The following SLC45A4 variants were observed in gnomAD, a reference collection of about 807,000 sequenced individuals.
SLC45A4 encodes solute carrier family 45 member 4.
A neutral mutation model predicts 63.7 loss-of-function variants in SLC45A4; 32 were observed. The observed-to-expected ratio is 0.50, with a 90% CI of 0.38 to 0.67. The LOEUF (loss-of-function observed/expected upper bound fraction) is 0.67. Among genes scored for constraint, SLC45A4 ranks in the 30% least tolerant of loss-of-function variants. The pLI is 0.00. For missense variants in SLC45A4, 1,027 were observed against 1,157.7 expected, an observed-to-expected ratio of 0.89 and a Z score of 1.64; for synonymous variants, 535 against 510.0, an observed-to-expected ratio of 1.05 and a Z score of -0.66.
intron 6 of SLC45A4, among the ~76,000 whole-genome samples, chr8:141,216,625 C>T (rs771818053): frequency 3.9e-5 from 6 of 152,220 alleles, no homozygotes; most frequent in Non-Finnish European, 5.9e-5. Context: ...GATTCACACT[C>T]GGCTCAGAGA....
intron 2 of SLC45A4, among the ~76,000 whole-genome samples, chr8:141,234,698 GCTGTGGCGGTGGC>G (rs544149757): frequency 1.1e-3 from 163 of 152,310 alleles, no homozygotes; most frequent in African/African-American, 3.6e-3. Context: ...CCCTGTCAGG[GCTGTGGCGGTGGC>G]CTGAGGTGAC....
rs1240385287 is a variant in SLC45A4, at chr8:141,218,245, C to T, written c.1395G>A (p.Gln465=). Residue 465 remains glutamine, a synonymous_variant, in exon 5 of 9, where the codon CAG becomes CAA. Transcript: ENST00000517878. The stretch of plus-strand genomic sequence containing the variant: ...TCTGGTTCCGGTGCCGGTGCTGCCG[C>T]TGCCGCTTCTGCATGTCGTACAGGT... ...MSDLYDMQKR[Q]RQHRHRNQSG... is the part of the protein sequence containing the mutation. 1 of 1,602,062 alleles carries T rather than the reference C, an allele frequency of 6.2e-7. No individual in the cohort carries two copies. Among genetic ancestry groups the T allele is most frequent in the East Asian group, 2.2e-5 (1 of 44,862 alleles).
rs1238187638 is a variant in SLC45A4 at position 141,227,146 on chromosome 8, A to C, written c.242-5381T>G. On this transcript the variant is annotated intron_variant, in intron 2 of 8. Coordinates refer to ENST00000517878, the MANE Select transcript of SLC45A4 (RefSeq NM_001286646.2). This position sits in a 1 kb window ranked among gnomAD's most constrained non-coding sequence, Gnocchi z 4.4. Reference sequence around the variant, plus strand: ...AAATAAGTTTTGTTTTTTCCCAGGGAAAAGTTGAACAACAATGGTGAGACC... The same window carrying C: ...AAATAAGTTTTGTTTTTTCCCAGGGCAAAGTTGAACAACAATGGTGAGACC... 6.6e-6 allele frequency among the ~76,000 whole-genome samples: 1 copy of C among 152,232 alleles called. No individual in the cohort carries two copies. The highest frequency in any genetic ancestry group is 1.5e-5 in the Non-Finnish European group (1 of 68,050).
In SLC45A4 at chr8:141,212,448, C is replaced by A; in HGVS notation, c.2050G>T (p.Gly684Cys). 2 of 1,613,814 alleles carry A rather than the reference C, an allele frequency of 1.2e-6. No homozygotes were observed. The highest frequency in any genetic ancestry group is 1.7e-6 in the Non-Finnish European group (2 of 1,180,026). The part of the protein sequence containing the change: ...SQILVASALG[G>C]VVDAVGTVRV... ...ACAGTCCCCACGGCGTCGACCACGC[C>A]CCCAAGGGCAGAGGCCACCAGGATC... The change falls in exon 8 of 9, where the codon GGC becomes TGC. Residue 684 changes from glycine to cysteine, a missense_variant. Coordinates refer to ENST00000517878, the MANE Select transcript of SLC45A4 (RefSeq NM_001286646.2).
rs1487175740 is a variant in SLC45A4, at chr8:141,229,813, C to T, written c.242-8048G>A. Reference sequence around the variant, plus strand: ...CTCGGCTCTGAGCTTGCAGCCCACCCCACTCTGGCTGCGGGACTTTGGAGC... The same window carrying T: ...CTCGGCTCTGAGCTTGCAGCCCACCTCACTCTGGCTGCGGGACTTTGGAGC... On this transcript the variant is annotated intron_variant, in intron 2 of 8. Transcript: ENST00000517878. This position sits in a 1 kb window ranked among gnomAD's most constrained non-coding sequence, Gnocchi z 5.0. 2.0e-5 allele frequency among the ~76,000 whole-genome samples: 3 copies of T among 152,140 alleles called. No homozygotes were observed. The highest frequency in any genetic ancestry group is 6.5e-5 in the Admixed American group (1 of 15,286).
intron 5 of SLC45A4, 66 bp from the exon 6 acceptor site, chr8:141,217,255 T>C: frequency 5.9e-6 from 9 of 1,527,446 alleles, no homozygotes; most frequent in Non-Finnish European, 8.1e-6. Flanking sequence ...AGGAGCGTAT[T>C]TCCCATGGGA....
At chr8:141,239,797 G>A (rs1048125438) in intron 2 of SLC45A4, among the ~76,000 whole-genome samples, 1 of 152,228 alleles carries the variant, frequency 6.6e-6, no homozygotes, top group African/African-American at 2.4e-5. Context: ...GGGCTCTGGA[G>A]GGCATGGCCT....
chr8:141,232,337 A>C (rs1432865356), intron 2 of SLC45A4, among the ~76,000 whole-genome samples: 2 of 152,266 alleles, frequency 1.3e-5, no homozygotes, highest in Non-Finnish European at 2.9e-5. Context: ...TTCAGCTATA[A>C]GCCTTTATGG....
chr8:141,281,931 C>T (rs1454069638), intron 1 of SLC45A4, among the ~76,000 whole-genome samples: 3 of 151,938 alleles, frequency 2.0e-5, no homozygotes, highest in Admixed American at 6.5e-5. Context: ...CGGCACCTTT[C>T]CTAACGCCAG....
chr8:141,215,701 A>C lies in SLC45A4; in HGVS notation c.1941+58T>G. The C allele has an allele frequency of 1.9e-6, 3 of 1,559,818 alleles. No individual in the cohort carries two copies. In the South Asian group the frequency reaches 3.3e-5, roughly 17 times the overall value. Reference sequence around the variant, plus strand: ...GGGGAAGCACAGGGCTCTGCTCTGTATGGAGGGAAGGCACTCAGGAGGCTG... The same window carrying C: ...GGGGAAGCACAGGGCTCTGCTCTGTCTGGAGGGAAGGCACTCAGGAGGCTG... On this transcript the variant is annotated intron_variant, in intron 7 of 8. Coordinates refer to ENST00000517878, the MANE Select transcript of SLC45A4 (RefSeq NM_001286646.2). The surrounding 1 kb of genome is among the most constrained non-coding windows in gnomAD (Gnocchi z 4.3).
intron 6 of SLC45A4, 107 bp downstream of exon 6, chr8:141,216,983 G>C: frequency 8.8e-7 from 1 of 1,136,740 alleles, no homozygotes; most frequent in Non-Finnish European, 1.3e-6. Context: ...CCAGAAGTCA[G>C]TGCGACTGAT....
In SLC45A4 at chr8:141,290,157, A is replaced by C. The variant is rs144466072; in HGVS notation, c.-401+17939T>G. ...CGTATGTATGTATATATTATACATG[A>C]TCTACATCTACGGTCATCTAACACT... is the stretch of plus-strand genomic sequence containing the variant. On this transcript the variant is annotated intron_variant, in intron 1 of 8. Transcript: ENST00000517878. Among the ~76,000 whole-genome samples, 18 of 152,296 alleles carry C rather than the reference A, an allele frequency of 1.2e-4. No homozygotes were observed. The East Asian group carries it at 3.1e-3, about 26-fold the overall frequency.
intron 1 of SLC45A4, among the ~76,000 whole-genome samples, chr8:141,295,208 G>A (rs781538850): frequency 2.2e-4 from 34 of 152,188 alleles, no homozygotes; most frequent in Non-Finnish European, 4.1e-4. Flanking sequence ...GTGGGTGAAG[G>A]GAAAGCAGGA....
At chr8:141,299,474 T>C (rs7017150) in intron 1 of SLC45A4, among the ~76,000 whole-genome samples, 145,463 of 152,290 alleles carry the variant, frequency 0.96, 69,850 homozygotes, top group Middle Eastern at 1. Context: ...GAGCTGTGGG[T>C]GTCGTTCTCG....
chr8:141,213,107 G>GA (rs1168994740), intron 7 of SLC45A4, among the ~76,000 whole-genome samples: 2 of 152,044 alleles, frequency 1.3e-5, no homozygotes, highest in Non-Finnish European at 2.9e-5. Flanking sequence ...TAGAGATAGT[G>GA]AAAAAAAGGT....
Position 141,256,843 on chromosome 8 carries a change from A to C in SLC45A4, c.-400-2214T>G. 2.9e-6 allele frequency: 1 copy of C among 341,456 alleles called. No individual in the cohort carries two copies. Among genetic ancestry groups the C allele is most frequent in the South Asian group, 2.3e-5 (1 of 44,440 alleles). The allele number at this position is 341,456 out of a possible 1,614,324, so 21.2% of individuals were successfully genotyped here. The stretch of plus-strand genomic sequence containing the variant: ...CACCTTACTGCAATATTTTTTCAAA[A>C]AACTGTGTAATGAAACTTTTTTTTT... On this transcript the variant is annotated intron_variant, in intron 1 of 8. Coordinates refer to ENST00000517878, the MANE Select transcript of SLC45A4 (RefSeq NM_001286646.2). The surrounding 1 kb of genome is among the most constrained non-coding windows in gnomAD (Gnocchi z 4.3).
At chr8:141,266,055 G>T (rs551157301) in intron 1 of SLC45A4, among the ~76,000 whole-genome samples, 2 of 152,226 alleles carry the variant, frequency 1.3e-5, no homozygotes, top group Non-Finnish European at 2.9e-5. Flanking sequence ...GGTAACTGGA[G>T]AGTTGCTGCT....
At chr8:141,258,733 A>T (rs1045711720) in intron 1 of SLC45A4, among the ~76,000 whole-genome samples, 2 of 151,846 alleles carry the variant, frequency 1.3e-5, no homozygotes, top group Non-Finnish European at 2.9e-5. Context: ...TATTATTATT[A>T]TTTTTTAATT....
At chr8:141,281,919 C>G (rs1829964387) in intron 1 of SLC45A4, among the ~76,000 whole-genome samples, 1 of 151,986 alleles carries the variant, frequency 6.6e-6, no homozygotes, top group Non-Finnish European at 1.5e-5. Flanking sequence ...TCCGGAGCTG[C>G]ACGGCACCTT....
Sources: gnomAD v4.1 joint callset for allele counts (sites outside exome capture counted in the v4.1 genomes callset) on GRCh38, gnomAD v4.1.1 for gene constraint, Gnocchi (gnomAD v3.1) non-coding constraint, MANE v1.5 for transcripts, NCBI Gene and HGNC (gene_info 2026-07-23, HGNC 2026-07-21) for gene names.